The following ARHGEF16 variants were observed in gnomAD, a reference collection of about 807,000 sequenced individuals.
The protein encoded by ARHGEF16 is Rho guanine exchange factor (GEF) 16.
Under a neutral mutation model 74.1 loss-of-function variants are expected in ARHGEF16, and 59 were observed. The ratio of observed to expected loss-of-function variants is 0.80; its 90% CI spans 0.65 to 0.99. The LOEUF is 0.99. ARHGEF16 is among the 50% of genes least tolerant of loss of function. The pLI, the probability that ARHGEF16 is intolerant of heterozygous loss-of-function variation, is 0.00. For synonymous variants in ARHGEF16, 415 were observed against 412.6 expected, an observed-to-expected ratio of 1.01 and a Z score of -0.07; for missense variants, 948 against 986.6, an observed-to-expected ratio of 0.96 and a Z score of 0.52.
chr1:3,467,558 G>A (rs374009358), intron 4 of ARHGEF16, among the ~76,000 whole-genome samples: 29 of 152,324 alleles, frequency 1.9e-4, no homozygotes, highest in African/African-American at 6.7e-4. Flanking sequence ...GGGCCCTGCC[G>A]TCGTGCGTGC....
chr1:3,472,859 C>T (rs2100752331), intron 6 of ARHGEF16: 1 of 566,744 alleles, frequency 1.8e-6, no homozygotes, highest in Non-Finnish European at 3.1e-6. Flanking sequence ...TAAGGAGCCC[C>T]AGGCCTCTGA....
chr1:3,463,321 G>A lies in ARHGEF16; in HGVS notation c.237G>A (p.Ala79=), dbSNP rs557629423. The A allele has an allele frequency of 1.7e-5, 26 of 1,550,202 alleles. No individual in the cohort carries two copies. The highest frequency in any genetic ancestry group is 3.9e-5 in the Admixed American group (2 of 51,014). ...WPIVLSTESP[A]ALKLGTQQLI... ...TCGTCCTGAGCACAGAGAGCCCGGCGGCCCTCAAGCTGGGCACCCAACAGC... is the reference window on the plus strand; with the variant it reads ...TCGTCCTGAGCACAGAGAGCCCGGCAGCCCTCAAGCTGGGCACCCAACAGC... Residue 79 remains alanine, a synonymous_variant, in exon 2 of 15, where the codon GCG becomes GCA. Transcript: ENST00000378378.
At position 3,473,432 on chromosome 1, in the gene ARHGEF16, T is replaced by C. The variant is rs778675820; in HGVS notation, c.1215T>C (p.Ile405=). ...CCTTCCGAGAGGCCCTGAGAGAGAT[T>C]GAGAGGCGGCCGGCGTGCGGGGGCC... ...NAAFREALRE[I]ERRPACGGLP... The change falls in exon 8 of 15, where the codon ATT becomes ATC. Residue 405 remains isoleucine (I), a synonymous_variant. Coordinates refer to ENST00000378378, the MANE Select transcript of ARHGEF16 (RefSeq NM_014448.4). 1.9e-5 allele frequency: 30 copies of C among 1,612,464 alleles called. No homozygotes were observed. In the South Asian group the frequency reaches 3.1e-4, roughly 17 times the overall value.
chr1:3,479,877 C>T lies in ARHGEF16; in HGVS notation c.1954C>T (p.Gln652Ter). 1.2e-6 allele frequency: 2 copies of T among 1,612,342 alleles called. No homozygotes were observed. The highest frequency in any genetic ancestry group is 1.1e-5 in the South Asian group (1 of 91,076). Residue 652 changes from glutamine to a stop codon, truncating the protein, a stop_gained, in exon 14 of 15, where the codon CAG (glutamine) becomes TAG (stop). Coordinates refer to ENST00000378378, the MANE Select transcript of ARHGEF16 (RefSeq NM_014448.4). LOFTEE classifies it low-confidence loss of function (END_TRUNC). ...GCAAGCAGACGAGGTCACACTGCAGCAGGCGGACGTGGTCCTGGTTCTGCA... is the reference window on the plus strand; with the variant it reads ...GCAAGCAGACGAGGTCACACTGCAGTAGGCGGACGTGGTCCTGGTTCTGCA... ...AKQADEVTLQ[Q>*]ADVVLVLQQE...
chr1:3,458,066 A>G (rs1639305379), intron 1 of ARHGEF16, among the ~76,000 whole-genome samples: 1 of 152,220 alleles, frequency 6.6e-6, no homozygotes. Context: ...ACGGAACACC[A>G]GGGCCTCTCT....
At chr1:3,456,348 G>A (rs778109644) in intron 1 of ARHGEF16, among the ~76,000 whole-genome samples, 9 of 152,236 alleles carry the variant, frequency 5.9e-5, no homozygotes, top group Non-Finnish European at 1.2e-4. Context: ...TGATCCAGGC[G>A]CAGGCGCTCC....
At chr1:3,456,270 A>G (rs1639262381) in intron 1 of ARHGEF16, among the ~76,000 whole-genome samples, 1 of 152,242 alleles carries the variant, frequency 6.6e-6, no homozygotes, top group Non-Finnish European at 1.5e-5. Context: ...GCGGCGTGCC[A>G]GGGTCCCCAC....
intron 1 of ARHGEF16, among the ~76,000 whole-genome samples, chr1:3,456,521 C>G (rs1639269889): frequency 6.6e-6 from 1 of 152,194 alleles, no homozygotes; most frequent in Non-Finnish European, 1.5e-5. Flanking sequence ...TTGGGGACAG[C>G]CATCCAGGTC....
intron 12 of ARHGEF16, among the ~76,000 whole-genome samples, chr1:3,479,298 G>T (rs1194816276): frequency 6.6e-6 from 1 of 152,114 alleles, no homozygotes; most frequent in South Asian, 2.1e-4. Flanking sequence ...GGTCCAGCAG[G>T]CTGGGGTCTG....
At chr1:3,467,072 A>C in intron 3 of ARHGEF16, 96 bp from the exon 4 acceptor site, 1 of 1,302,768 alleles carries the variant, frequency 7.7e-7, no homozygotes. Context: ...CAGCCGTGAG[A>C]GCCTGTGGGC....
chr1:3,461,044 G>A (rs1303192508), intron 1 of ARHGEF16, among the ~76,000 whole-genome samples: 1 of 152,156 alleles, frequency 6.6e-6, no homozygotes, highest in Non-Finnish European at 1.5e-5. Context: ...AGTGACTTTG[G>A]GCGAGTGACT....
At chr1:3,477,827 C>A (rs754365819) in intron 10 of ARHGEF16, 48 bp from the exon 11 acceptor site, 5 of 1,596,846 alleles carry the variant, frequency 3.1e-6, no homozygotes, top group Admixed American at 3.3e-5. Flanking sequence ...GGCTCTGTCC[C>A]CCCCAGTCCC....
intron 1 of ARHGEF16, among the ~76,000 whole-genome samples, chr1:3,456,200 T>C (rs532128492): frequency 2.0e-4 from 30 of 152,234 alleles, no homozygotes; most frequent in African/African-American, 7.0e-4. Context: ...CCACCCTATG[T>C]GGGAAGCACT....
At chr1:3,455,436 G>T (rs187056959) in intron 1 of ARHGEF16, among the ~76,000 whole-genome samples, 2 of 152,164 alleles carry the variant, frequency 1.3e-5, no homozygotes, top group African/African-American at 4.8e-5. Context: ...TGGGGAGGGG[G>T]AGGGGTGCGT....
chr1:3,480,286 G>A (rs541144066), intron 14 of ARHGEF16, among the ~76,000 whole-genome samples, 162 bp from the exon 15 acceptor site: 2 of 152,322 alleles, frequency 1.3e-5, no homozygotes, highest in South Asian at 2.1e-4. Flanking sequence ...CTGGGTGCCC[G>A]GTGACCATGA....
intron 6 of ARHGEF16, chr1:3,471,705 G>A (rs77768688): frequency 0.064 from 79,002 of 1,234,830 alleles, 2,925 homozygotes; most frequent in Non-Finnish European, 0.074. Context: ...GCCCTGGGGC[G>A]GGAAGCTCCG....
intron 10 of ARHGEF16, among the ~76,000 whole-genome samples, chr1:3,477,462 C>T (rs1639916935): frequency 6.7e-6 from 1 of 148,278 alleles, no homozygotes; most frequent in East Asian, 2.1e-4. Context: ...GGAGCGTGGC[C>T]ATCACGGGTG....
chr1:3,466,266 T>G, intron 3 of ARHGEF16, 73 bp downstream of exon 3: 175 of 1,459,548 alleles, frequency 1.2e-4, no homozygotes, highest in Non-Finnish European at 1.4e-4. Flanking sequence ...ACCCTGGGGT[T>G]CGGGTGGGCC....
At chr1:3,457,254 C>T (rs1639285221) in intron 1 of ARHGEF16, among the ~76,000 whole-genome samples, 1 of 152,260 alleles carries the variant, frequency 6.6e-6, no homozygotes, top group African/African-American at 2.4e-5. Context: ...ATCATTGTAG[C>T]TTGAGTTTGC....
Sources: allele counts gnomAD v4.1 joint callset (sites outside exome capture counted in the v4.1 genomes callset), GRCh38; gene constraint gnomAD v4.1.1; transcripts MANE v1.5; gene names NCBI Gene and HGNC (gene_info 2026-07-23, HGNC 2026-07-21).